GLIS3: variants seen among roughly 807,000 people sequenced by gnomAD.
The protein encoded by GLIS3 is GLIS family zinc finger 3.
Under a neutral mutation model 78.6 loss-of-function variants are expected in GLIS3, and 53 were observed. The observed-to-expected ratio is 0.67, with a 90% CI of 0.54 to 0.85. GLIS3 has a LOEUF of 0.85. Among genes scored for constraint, GLIS3 ranks in the 40% least tolerant of loss-of-function variants. GLIS3 has a pLI of 0.00. For missense variants in GLIS3, 1,703 were observed against 1,231.1 expected (o/e 1.38, Z -5.74); for synonymous variants, 684 against 509.9 (o/e 1.34, Z -4.60).
At chr9:4,252,415 G>C (rs10739038) in intron 2 of GLIS3, among the ~76,000 whole-genome samples, 121,669 of 151,844 alleles carry the variant, frequency 0.8, 49,380 homozygotes, top group East Asian at 0.98. Context: ...TGATACGTGG[G>C]TATGCTTCAT....
chr9:4,397,956 T>G, the GLIS3 span, among the ~76,000 whole-genome samples: 2 of 152,058 alleles, frequency 1.3e-5, no homozygotes, highest in Non-Finnish European at 2.9e-5. Flanking sequence ...CCATTCACAC[T>G]GTTCCCCGTC....
At chr9:4,318,906 T>C (rs1444112986) in intron 2 of GLIS3, among the ~76,000 whole-genome samples, 2 of 152,186 alleles carry the variant, frequency 1.3e-5, no homozygotes, top group African/African-American at 4.8e-5. Flanking sequence ...CAAAGTGACA[T>C]CATGTGCCTC....
At chr9:4,321,233 A>G (rs1228979943) in intron 2 of GLIS3, among the ~76,000 whole-genome samples, 3 of 142,324 alleles carry the variant, frequency 2.1e-5, no homozygotes, top group African/African-American at 2.8e-5. Flanking sequence ...ATCCTGGCTA[A>G]CACGGTGAAA....
chr9:4,345,541 C>T (rs934825590), intron 2 of GLIS3, among the ~76,000 whole-genome samples: 3 of 152,108 alleles, frequency 2.0e-5, no homozygotes, highest in Non-Finnish European at 2.9e-5. Context: ...TATCAAACCC[C>T]CAACTGGGAT....
chr9:4,127,232 C>T (rs1832643024), intron 2 of GLIS3, among the ~76,000 whole-genome samples: 1 of 152,126 alleles, frequency 6.6e-6, no homozygotes, highest in Non-Finnish European at 1.5e-5. Context: ...TGCACAAAAT[C>T]ACACAGGGAT....
chr9:4,202,599 T>C (rs1307988543), intron 2 of GLIS3, among the ~76,000 whole-genome samples: 1 of 152,028 alleles, frequency 6.6e-6, no homozygotes, highest in East Asian at 1.9e-4. Context: ...CAAAATCGCA[T>C]GGTGAAAGTA....
intron 9 of GLIS3, among the ~76,000 whole-genome samples, chr9:3,838,925 CG>C (rs1818541402): frequency 6.6e-6 from 1 of 152,076 alleles, no homozygotes; most frequent in South Asian, 2.1e-4. Flanking sequence ...ACACAGATAA[CG>C]TTGCTGAAAA....
intron 2 of GLIS3, among the ~76,000 whole-genome samples, chr9:4,134,791 G>C (rs1453206504): frequency 6.6e-6 from 1 of 152,174 alleles, no homozygotes; most frequent in Non-Finnish European, 1.5e-5. Context: ...TGTCAAAGTA[G>C]AAAGAATAAG....
chr9:4,246,375 G>C lies in GLIS3; in HGVS notation c.388+39663C>G, dbSNP rs944056278. 7.9e-5 allele frequency among the ~76,000 whole-genome samples: 12 copies of C among 152,142 alleles called. No individual in the cohort carries two copies. In the East Asian group the frequency reaches 2.3e-3, roughly 29 times the overall value. On this transcript the variant is annotated intron_variant, in intron 2 of 10. Coordinates refer to ENST00000381971, the MANE Select transcript of GLIS3 (RefSeq NM_001042413.2). Reference sequence around the variant, plus strand: ...AGTCACTGCCCAGAGGAAGAAACAGGCCACTGATATTCCCAAGAATGTAGA... The same window carrying C: ...AGTCACTGCCCAGAGGAAGAAACAGCCCACTGATATTCCCAAGAATGTAGA...
intron 7 of GLIS3, among the ~76,000 whole-genome samples, chr9:3,889,099 GA>G (rs1251087422): frequency 6.6e-6 from 1 of 151,832 alleles, no homozygotes. Flanking sequence ...TCCTTTCTAG[GA>G]AAAAAAATCT....
chr9:3,924,849 T>C (rs1825119542), intron 6 of GLIS3, among the ~76,000 whole-genome samples: 1 of 152,158 alleles, frequency 6.6e-6, no homozygotes, highest in South Asian at 2.1e-4. Context: ...ATGATTTTCA[T>C]CAAGAATGCA....
At chr9:4,100,911 C>T (rs1266966290) in intron 4 of GLIS3, among the ~76,000 whole-genome samples, 1 of 152,102 alleles carries the variant, frequency 6.6e-6, no homozygotes, top group Non-Finnish European at 1.5e-5. Flanking sequence ...TGTACAATAT[C>T]AGGGAACACA....
chr9:4,390,420 C>G, the GLIS3 span, among the ~76,000 whole-genome samples: 2 of 151,458 alleles, frequency 1.3e-5, no homozygotes, highest in African/African-American at 2.4e-5. Flanking sequence ...AGCTGTAGTG[C>G]ATTGGAGCAT....
In GLIS3 at chr9:4,141,712, T is replaced by C. The variant is rs567248446; in HGVS notation, c.389-15771A>G. Among the ~76,000 whole-genome samples the C allele has an allele frequency of 7.2e-5, 11 of 152,254 alleles. No homozygotes were observed. The South Asian group carries it at 8.3e-4, about 11-fold the overall frequency. On this transcript the variant is annotated intron_variant, in intron 2 of 10. Coordinates refer to ENST00000381971, the MANE Select transcript of GLIS3 (RefSeq NM_001042413.2). ...AGTCATACTACAGATTTGCTGAAAA[T>C]TGGAGAGGTAGGAAGGCTGAAATAT...
At chr9:4,392,071 C>G in the GLIS3 span, among the ~76,000 whole-genome samples, 2 of 152,056 alleles carry the variant, frequency 1.3e-5, no homozygotes, top group African/African-American at 2.4e-5. Flanking sequence ...CTATACAGCC[C>G]AAGGAATGAG....
At chr9:3,871,780 G>C (rs1255881169) in intron 8 of GLIS3, among the ~76,000 whole-genome samples, 12 of 152,318 alleles carry the variant, frequency 7.9e-5, no homozygotes, top group Non-Finnish European at 2.9e-5. Context: ...GAAGACCTCT[G>C]AGATGCACTG....
the GLIS3 span, among the ~76,000 whole-genome samples, chr9:4,486,189 C>T: frequency 2.0e-5 from 3 of 152,120 alleles, no homozygotes; most frequent in Non-Finnish European, 4.4e-5. Flanking sequence ...GAATCCAATA[C>T]CCCAAAATAT....
intron 4 of GLIS3, among the ~76,000 whole-genome samples, chr9:4,021,173 GTATATGTA>G (rs1377328028): frequency 2.0e-5 from 3 of 152,100 alleles, no homozygotes; most frequent in African/African-American, 7.2e-5. Flanking sequence ...ATATGTATAT[GTATATGTA>G]TATGTGTATA....
At chr9:3,990,831 A>G (rs1307929746) in intron 4 of GLIS3, among the ~76,000 whole-genome samples, 1 of 152,212 alleles carries the variant, frequency 6.6e-6, no homozygotes, top group South Asian at 2.1e-4. Flanking sequence ...ATACAAATTT[A>G]ATGACAGAAC....
Sources: allele counts gnomAD v4.1 joint callset (sites outside exome capture counted in the v4.1 genomes callset), GRCh38; gene constraint gnomAD v4.1.1; transcripts MANE v1.5; gene names NCBI Gene and HGNC (gene_info 2026-07-23, HGNC 2026-07-21).